Variants in GDPD1 observed in about 807,000 individuals in gnomAD.
GDPD1 encodes the protein lysophospholipase D GDPD1.
Under a neutral mutation model 45.1 loss-of-function variants are expected in GDPD1, and 28 were observed. The observed-to-expected ratio is 0.62, with a 90% CI of 0.46 to 0.85. The LOEUF is 0.85. Among genes scored for constraint, GDPD1 ranks in the 40% least tolerant of loss-of-function variants. GDPD1 has a pLI of 0.00. For missense variants in GDPD1, 256 were observed against 364.8 expected, an observed-to-expected ratio of 0.70 and a Z score of 2.43; for synonymous variants, 139 against 131.4, an observed-to-expected ratio of 1.06 and a Z score of -0.40.
intron 2 of GDPD1, among the ~76,000 whole-genome samples, chr17:59,237,468 A>G (rs1233666590): frequency 6.6e-6 from 1 of 152,188 alleles, no homozygotes; most frequent in Non-Finnish European, 1.5e-5. Flanking sequence ...AAAATACTAA[A>G]GAGTTGTAAT....
At chr17:59,223,319 C>T (rs951359170) in intron 1 of GDPD1, among the ~76,000 whole-genome samples, 6 of 152,034 alleles carry the variant, frequency 3.9e-5, no homozygotes, top group Non-Finnish European at 8.8e-5. Context: ...TCTGTTTTAC[C>T]TATATAATGG....
chr17:59,270,917 A>G lies in GDPD1; in HGVS notation c.711-19A>G, dbSNP rs1041364984. 3.9e-6 allele frequency: 6 copies of G among 1,539,802 alleles called. No individual in the cohort carries two copies. The highest frequency in any genetic ancestry group is 2.3e-5 in the East Asian group (1 of 44,066). On this transcript the variant is annotated intron_variant, in intron 7 of 9. Transcript: ENST00000284116. ...TTTCTGTGTTTCTAATTTGTAATTC[A>G]AACTTTATTTTACCCTAGGCTAAAA...
At chr17:59,263,772 G>A (rs1475747697) in intron 6 of GDPD1, among the ~76,000 whole-genome samples, 1 of 151,798 alleles carries the variant, frequency 6.6e-6, no homozygotes, top group Non-Finnish European at 1.5e-5. Flanking sequence ...GAGCCACCAC[G>A]CCCAGCCTAC....
In GDPD1 at chr17:59,267,105, C is replaced by T. The variant is rs749907330; in HGVS notation, c.641C>T (p.Thr214Ile). The T allele has an allele frequency of 6.2e-7, 1 of 1,613,596 alleles. No individual in the cohort carries two copies. The highest frequency in any genetic ancestry group is 2.2e-5 in the East Asian group (1 of 44,858). ...CTGCTCATTCTTGGCCTTTTCTTCA[C>T]TGGCCTCTTGCCCTTTGTGCCCATT... ...RVLLILGLFF[T>I]GLLPFVPIRE... Residue 214 changes from threonine (T) to isoleucine (I), a missense_variant, in exon 7 of 10, where the codon ACT (threonine) becomes ATT (isoleucine). Transcript: ENST00000284116.
At chr17:59,246,890 C>T (rs2047216536) in intron 3 of GDPD1, among the ~76,000 whole-genome samples, 1 of 151,394 alleles carries the variant, frequency 6.6e-6, no homozygotes, top group Non-Finnish European at 1.5e-5. Flanking sequence ...GCTTCAGCCT[C>T]CTGAGTAGCT....
intron 6 of GDPD1, among the ~76,000 whole-genome samples, chr17:59,261,566 G>T (rs1332585784): frequency 6.6e-6 from 1 of 151,836 alleles, no homozygotes; most frequent in Non-Finnish European, 1.5e-5. Flanking sequence ...GTGTGATCTT[G>T]GTTCACTGCA....
chr17:59,255,760 A>AT lies in GDPD1; in HGVS notation c.368-1362_368-1361insT, dbSNP rs1166769225. Reference sequence around the variant, plus strand: ...CTCCGTCTCAAAAAAAAAAAAAAAAAAAATATATATATATATATATATATA... The same window carrying AT: ...CTCCGTCTCAAAAAAAAAAAAAAAAATAAATATATATATATATATATATATA... On this transcript the variant is annotated intron_variant, in intron 4 of 9. Transcript: ENST00000284116. Among the ~76,000 whole-genome samples the AT allele has an allele frequency of 3.8e-3, 258 of 67,346 alleles. 2 individuals are homozygous for AT. Among genetic ancestry groups the AT allele is most frequent in the Non-Finnish European group, 4.9e-3 (196 of 39,816 alleles). 44.2% of individuals were successfully genotyped at this position (67,346 alleles called of 152,430 possible). A position where few individuals can be genotyped will look rare whatever the true frequency, so the allele number is the denominator to read the frequency against.
intron 2 of GDPD1, among the ~76,000 whole-genome samples, chr17:59,245,025 A>G (rs2047199994): frequency 6.6e-6 from 1 of 152,102 alleles, no homozygotes; most frequent in Non-Finnish European, 1.5e-5. Context: ...AAATAAAAAC[A>G]AGCATCCTTG....
intron 2 of GDPD1, among the ~76,000 whole-genome samples, chr17:59,237,423 T>A (rs904488200): frequency 1.2e-4 from 19 of 152,098 alleles, no homozygotes; most frequent in African/African-American, 4.6e-4. Flanking sequence ...TAAATAAAAA[T>A]AAATAAACAT....
At position 59,257,179 on chromosome 17, in the gene GDPD1, C is replaced by T. The variant is rs1324690673; in HGVS notation, c.425C>T (p.Ala142Val). Residue 142 changes from alanine to valine, a missense_variant, in exon 5 of 10, where the codon GCC becomes GTC. Transcript: ENST00000284116. ...RIPLLKEVFE[A>V]FPNTPINIDI... ...CCATTACTGAAGGAAGTTTTTGAGG[C>T]CTTTCCTAACACTCCCATTAACATC... 3 of 1,608,372 alleles carry T rather than the reference C, an allele frequency of 1.9e-6. No individual in the cohort carries two copies. Among genetic ancestry groups the T allele is most frequent in the South Asian group, 1.1e-5 (1 of 90,068 alleles).
chr17:59,234,467 G>A (rs1212581804), intron 1 of GDPD1, 25 bp from the exon 2 acceptor site: 22 of 1,451,152 alleles, frequency 1.5e-5, no homozygotes, highest in Non-Finnish European at 1.8e-5. Context: ...TTCAAAATAA[G>A]TAAATATAGT....
rs2047474683 is a variant in GDPD1, at chr17:59,275,522, G to A, written c.*1749G>A. ...TTGTGTTTCCTCTAAAAAAATGTAA[G>A]ATTTCCATTTTTGGCACTGACTAAC... On this transcript the variant is annotated 3_prime_UTR_variant, in exon 10 of 10. Transcript: ENST00000284116. 2 of 194,740 alleles carry A rather than the reference G, an allele frequency of 1.0e-5. No homozygotes were observed. Among genetic ancestry groups the A allele is most frequent in the Admixed American group, 5.6e-5 (1 of 17,880 alleles). 12.1% of individuals were successfully genotyped at this position (194,740 alleles called of 1,614,324 possible).
chr17:59,263,767 A>G (rs2047377771), intron 6 of GDPD1, among the ~76,000 whole-genome samples: 1 of 152,020 alleles, frequency 6.6e-6, no homozygotes, highest in Admixed American at 6.6e-5. Flanking sequence ...GGTGTGAGCC[A>G]CCACGCCCAG....
chr17:59,252,653 G>A lies in GDPD1; in HGVS notation c.367+3868G>A, dbSNP rs893187844. On this transcript the variant is annotated intron_variant, in intron 4 of 9. Transcript: ENST00000284116. ...GCAGATGTTGCAGTGAGCAGAGATC[G>A]TGCCACTGCACTCCAGCCTGGGCAA... 1.3e-4 allele frequency among the ~76,000 whole-genome samples: 19 copies of A among 151,292 alleles called. No homozygotes were observed. In the South Asian group the frequency reaches 1.3e-3, roughly 10 times the overall value.
intron 4 of GDPD1, among the ~76,000 whole-genome samples, chr17:59,252,093 G>T (rs1421526455): frequency 6.7e-6 from 1 of 149,064 alleles, no homozygotes; most frequent in Non-Finnish European, 1.5e-5. Context: ...CCCTTGCATA[G>T]AATTCTTGCT....
intron 1 of GDPD1, among the ~76,000 whole-genome samples, chr17:59,229,453 G>T (rs896066098): frequency 3.3e-5 from 5 of 151,368 alleles, no homozygotes; most frequent in Admixed American, 2.0e-4. Flanking sequence ...TCGAACTCCT[G>T]ACCTCAGGTG....
At chr17:59,224,039 C>G (rs1394012114) in intron 1 of GDPD1, among the ~76,000 whole-genome samples, 1 of 152,120 alleles carries the variant, frequency 6.6e-6, no homozygotes, top group African/African-American at 2.4e-5. Context: ...TCATGATGAG[C>G]TTGACATCAT....
chr17:59,272,998 C>CA (rs1451403615), intron 9 of GDPD1, 162 bp downstream of exon 9: 40 of 1,462,590 alleles, frequency 2.7e-5, no homozygotes, highest in Non-Finnish European at 3.3e-5. Context: ...TTACACTTAG[C>CA]AATAAAGCAT....
intron 1 of GDPD1, among the ~76,000 whole-genome samples, chr17:59,222,331 C>T (rs1016366786): frequency 2.6e-5 from 4 of 151,610 alleles, no homozygotes; most frequent in Non-Finnish European, 4.4e-5. Flanking sequence ...CTCAGCCTCC[C>T]GAGTAGCTGG....
Sources: gnomAD v4.1 joint callset for allele counts (sites outside exome capture counted in the v4.1 genomes callset) on GRCh38, gnomAD v4.1.1 for gene constraint, MANE v1.5 for transcripts, NCBI Gene and HGNC (gene_info 2026-07-23, HGNC 2026-07-21) for gene names.